Variants in CDYL2 observed in about 807,000 individuals in gnomAD.
CDYL2 encodes the protein chromodomain Y like 2, also known as chromodomain Y-like protein 2.
A neutral mutation model predicts 49.4 loss-of-function variants in CDYL2; 23 were observed. That is an observed-to-expected ratio of 0.47 (90% confidence interval 0.34 to 0.66). CDYL2 has a LOEUF of 0.66. Ranked by LOEUF, CDYL2 falls within the 30% of genes least tolerant of loss-of-function variation. The probability of loss-of-function intolerance (pLI) is 0.01; values close to 1 mark genes in which losing one functional copy is unlikely to be tolerated. For synonymous variants in CDYL2, 360 were observed against 268.8 expected (o/e 1.34, Z -3.32); for missense variants, 678 against 656.4 (o/e 1.03, Z -0.36).
At chr16:80,618,081 T>C (rs1409440984) in intron 4 of CDYL2, among the ~76,000 whole-genome samples, 1 of 152,170 alleles carries the variant, frequency 6.6e-6, no homozygotes, top group African/African-American at 2.4e-5. Context: ...CCCCCATCCT[T>C]GCTAGTTCAT....
intron 1 of CDYL2, among the ~76,000 whole-genome samples, chr16:80,780,877 G>C (rs1368216353): frequency 6.6e-6 from 1 of 152,074 alleles, no homozygotes; most frequent in Non-Finnish European, 1.5e-5. Flanking sequence ...AAAAGTGTTG[G>C]AATCAACTTA....
intron 1 of CDYL2, among the ~76,000 whole-genome samples, chr16:80,693,221 G>A (rs1910487755): frequency 6.6e-6 from 1 of 152,092 alleles, no homozygotes; most frequent in Admixed American, 6.5e-5. Flanking sequence ...TTTGCGTGGT[G>A]AGGTATACAT....
rs576641877 is a variant in CDYL2, at chr16:80,780,003, G to A, written c.24+24147C>T. On this transcript the variant is annotated intron_variant, in intron 1 of 6. Transcript: ENST00000570137. ...GAAGAAAATGAGTTAAGATAGTAGA[G>A]AAGATGACACATGAACACCTATGAC... Among the ~76,000 whole-genome samples the A allele has an allele frequency of 1.8e-4, 27 of 152,266 alleles. No homozygotes were observed. The South Asian group carries it at 5.2e-3, about 29-fold the overall frequency.
intron 2 of CDYL2, among the ~76,000 whole-genome samples, chr16:80,681,508 T>C (rs1383663436): frequency 6.6e-6 from 1 of 152,188 alleles, no homozygotes; most frequent in Non-Finnish European, 1.5e-5. Flanking sequence ...CGGCATCCCC[T>C]GTCTTGGGTC....
At chr16:80,802,046 G>A (rs1410685855) in intron 1 of CDYL2, among the ~76,000 whole-genome samples, 1 of 151,924 alleles carries the variant, frequency 6.6e-6, no homozygotes, top group Non-Finnish European at 1.5e-5. Context: ...CTCCTTAACT[G>A]AAATTCTATA....
At chr16:80,787,848 G>A (rs188314361) in intron 1 of CDYL2, among the ~76,000 whole-genome samples, 59 of 152,240 alleles carry the variant, frequency 3.9e-4, no homozygotes, top group African/African-American at 1.4e-3. Flanking sequence ...GATTAGTAAT[G>A]TGCATGCTCT....
chr16:80,710,827 T>C (rs1025852855), intron 1 of CDYL2, among the ~76,000 whole-genome samples: 2 of 152,242 alleles, frequency 1.3e-5, no homozygotes, highest in African/African-American at 4.8e-5. Flanking sequence ...AATATGCTAA[T>C]TTTCGGTTTT....
At chr16:80,766,881 A>G (rs757705919) in intron 1 of CDYL2, among the ~76,000 whole-genome samples, 3 of 152,234 alleles carry the variant, frequency 2.0e-5, no homozygotes, top group Non-Finnish European at 4.4e-5. Context: ...CTAAGCACTG[A>G]CTGTATACCA....
rs1278074964 is a variant in CDYL2, at chr16:80,688,241, C to G, written c.25-3112G>C. 6.6e-5 allele frequency among the ~76,000 whole-genome samples: 10 copies of G among 152,148 alleles called. No homozygotes were observed. The East Asian group carries it at 1.9e-3, about 29-fold the overall frequency. On this transcript the variant is annotated intron_variant, in intron 1 of 6. Coordinates refer to ENST00000570137, the MANE Select transcript of CDYL2 (RefSeq NM_152342.4). ...TCCCATTCACAAAGCCACTGGGTGG[C>G]TTGTCAACAATTTCTACTTAACCCA...
rs1331585133 is a variant in CDYL2 at position 80,601,351 on chromosome 16, G to A, written c.*3037C>T. 1.3e-5 allele frequency: 2 copies of A among 152,174 alleles called. No individual in the cohort carries two copies. Among genetic ancestry groups the A allele is most frequent in the East Asian group, 3.9e-4 (2 of 5,194 alleles). 9.4% of individuals were successfully genotyped at this position (152,174 alleles called of 1,614,324 possible). ...TAGAAAGGTCCCTGACTAAAGAGGT[G>A]TCCTCAATTGCCCACCCACAGCTAT... On this transcript the variant is annotated 3_prime_UTR_variant, in exon 7 of 7. Coordinates refer to ENST00000570137, the MANE Select transcript of CDYL2 (RefSeq NM_152342.4).
intron 1 of CDYL2, among the ~76,000 whole-genome samples, chr16:80,782,763 T>A (rs1295770278): frequency 1.3e-5 from 2 of 151,848 alleles, no homozygotes; most frequent in East Asian, 3.9e-4. Context: ...TCATCCCAAT[T>A]GACAGAGAAA....
At chr16:80,665,174 A>C (rs1909207993) in intron 2 of CDYL2, among the ~76,000 whole-genome samples, 1 of 152,150 alleles carries the variant, frequency 6.6e-6, no homozygotes, top group Admixed American at 6.5e-5. Context: ...CTTCTTAATT[A>C]AAATATAGTT....
chr16:80,655,501 G>A lies in CDYL2; in HGVS notation c.617-22265C>T, dbSNP rs142843077. On this transcript the variant is annotated intron_variant, in intron 2 of 6. Coordinates refer to ENST00000570137, the MANE Select transcript of CDYL2 (RefSeq NM_152342.4). ...ATAGGGTGATGTGATAAAGAGTGAT[G>A]CAGGGAGGGGAGGTGTTCGTGAACC... 1.3e-3 allele frequency among the ~76,000 whole-genome samples: 199 copies of A among 152,324 alleles called. 1 individual carries two copies. The highest frequency in any genetic ancestry group is 4.5e-3 in the African/African-American group (189 of 41,580).
chr16:80,638,684 G>A (rs1354545588), intron 2 of CDYL2, among the ~76,000 whole-genome samples: 2 of 152,142 alleles, frequency 1.3e-5, no homozygotes, highest in African/African-American at 4.8e-5. Context: ...ATATACCGAG[G>A]TGATCTTTGG....
intron 1 of CDYL2, among the ~76,000 whole-genome samples, chr16:80,724,638 T>C (rs1905107437): frequency 6.6e-6 from 1 of 152,244 alleles, no homozygotes; most frequent in Non-Finnish European, 1.5e-5. Flanking sequence ...ATGAAGGCTT[T>C]GTTTCACATA....
At chr16:80,639,267 A>G (rs978329548) in intron 2 of CDYL2, among the ~76,000 whole-genome samples, 3 of 152,244 alleles carry the variant, frequency 2.0e-5, no homozygotes, top group African/African-American at 7.2e-5. Context: ...ATAAGATGGC[A>G]CAGCTACTTT....
At chr16:80,772,149 C>T (rs866439854) in intron 1 of CDYL2, among the ~76,000 whole-genome samples, 3 of 152,066 alleles carry the variant, frequency 2.0e-5, no homozygotes, top group Non-Finnish European at 2.9e-5. Flanking sequence ...AAAAAACATC[C>T]TTCAAAACTA....
chr16:80,652,174 C>T (rs1001458149), intron 2 of CDYL2, among the ~76,000 whole-genome samples: 1 of 152,076 alleles, frequency 6.6e-6, no homozygotes, highest in African/African-American at 2.4e-5. Flanking sequence ...GTTTCTAACA[C>T]AATTCTCAAT....
chr16:80,761,895 AAAAC>A (rs1008260348), intron 1 of CDYL2, among the ~76,000 whole-genome samples: 9 of 151,620 alleles, frequency 5.9e-5, no homozygotes, highest in African/African-American at 1.2e-4. Context: ...AAAAAAAAAA[AAAAC>A]AAAGACTGGC....
Sources: gnomAD v4.1 joint callset for allele counts (sites outside exome capture counted in the v4.1 genomes callset) on GRCh38, gnomAD v4.1.1 for gene constraint, MANE v1.5 for transcripts, NCBI Gene and HGNC (gene_info 2026-07-23, HGNC 2026-07-21) for gene names.